NBEAL1: variants seen among roughly 807,000 people sequenced by gnomAD.
NBEAL1 encodes the protein neurobeachin like 1, also known as neurobeachin-like protein 1.
In NBEAL1, 273 loss-of-function variants were observed where a neutral mutation model predicts 351.3. The observed-to-expected ratio is 0.78, with a 90% CI of 0.70 to 0.86. The LOEUF (loss-of-function observed/expected upper bound fraction) is 0.86. Ranked by LOEUF, NBEAL1 falls within the 40% of genes least tolerant of loss-of-function variation. The probability of loss-of-function intolerance (pLI) is 0.00; values close to 1 mark genes in which losing one functional copy is unlikely to be tolerated. For synonymous variants in NBEAL1, 1,050 were observed against 1,086.4 expected (o/e 0.97, Z 0.66); for missense variants, 2,961 against 3,201.3 (o/e 0.92, Z 1.81).
chr2:203,036,539 T>C (rs2061042833), intron 2 of NBEAL1, among the ~76,000 whole-genome samples: 1 of 149,236 alleles, frequency 6.7e-6, no homozygotes, highest in African/African-American at 2.4e-5. Flanking sequence ...AACTTCCCTT[T>C]TCTAACCTGT....
At chr2:203,152,202 C>G (rs1163438445) in intron 35 of NBEAL1, among the ~76,000 whole-genome samples, 2 of 151,588 alleles carry the variant, frequency 1.3e-5, no homozygotes, top group African/African-American at 4.8e-5. Flanking sequence ...AAGTTATCCT[C>G]CCAACCTTTG....
Position 203,220,450 on chromosome 2 carries a change from C to CTCCA in NBEAL1, c.*3097_*3100dup. Among the ~76,000 whole-genome samples the CTCCA allele has an allele frequency of 6.6e-6, 1 of 151,838 alleles. No homozygotes were observed. The highest frequency in any genetic ancestry group is 6.6e-5 in the Admixed American group (1 of 15,252). ...AGTGAGCCAAAATCGCACCACTGCA[C>CTCCA]TCCAGCCTGGGCAACAGGGCAAGAC... On this transcript the variant is annotated 3_prime_UTR_variant, in exon 56 of 56. Transcript: ENST00000683969.
At chr2:203,073,066 A>G (rs1029451894) in intron 7 of NBEAL1, among the ~76,000 whole-genome samples, 2 of 152,066 alleles carry the variant, frequency 1.3e-5, no homozygotes, top group African/African-American at 4.8e-5. Flanking sequence ...CCTTGTGGAA[A>G]GGTTTTGTTT....
rs542873374 is a variant in NBEAL1 at position 203,041,425 on chromosome 2, C to G, written c.52-340C>G. On this transcript the variant is annotated intron_variant, in intron 2 of 55. Transcript: ENST00000683969. ...TTCTGGGTAGAGAAAACAGCCAGTGCAAAGTCCTTAGGGTGGGAGCATGTC... is the reference window on the plus strand; with the variant it reads ...TTCTGGGTAGAGAAAACAGCCAGTGGAAAGTCCTTAGGGTGGGAGCATGTC... Among the ~76,000 whole-genome samples the G allele has an allele frequency of 2.6e-3, 390 of 152,234 alleles. 1 individual carries two copies. Among genetic ancestry groups the G allele is most frequent in the South Asian group, 0.022 (104 of 4,820 alleles).
At chr2:203,181,422 A>G (rs558101712) in intron 43 of NBEAL1, 18 of 152,326 alleles carry the variant, frequency 1.2e-4, no homozygotes, top group Middle Eastern at 3.4e-3. Flanking sequence ...GATATAAGTT[A>G]CTGTAATATT....
At chr2:203,200,420 G>A (rs1264353092) in intron 49 of NBEAL1, among the ~76,000 whole-genome samples, 2 of 152,214 alleles carry the variant, frequency 1.3e-5, no homozygotes, top group Admixed American at 6.5e-5. Flanking sequence ...GGCTGAGGCA[G>A]GAGAATGGTG....
At chr2:203,078,393 G>T (rs1299084386) in intron 8 of NBEAL1, among the ~76,000 whole-genome samples, 1 of 152,066 alleles carries the variant, frequency 6.6e-6, no homozygotes, top group Non-Finnish European at 1.5e-5. Context: ...AGGCTGGAGT[G>T]CAGAAGTGCG....
At chr2:203,198,474 T>C in intron 48 of NBEAL1, among the ~76,000 whole-genome samples, 1 of 152,142 alleles carries the variant, frequency 6.6e-6, no homozygotes, top group East Asian at 1.9e-4. Flanking sequence ...ATATATTATA[T>C]TTTTATGGTA....
chr2:203,195,584 T>G (rs2065218565), intron 47 of NBEAL1, among the ~76,000 whole-genome samples: 1 of 152,138 alleles, frequency 6.6e-6, no homozygotes, highest in African/African-American at 2.4e-5. Context: ...AACATGTAGT[T>G]GTAGTCATGG....
chr2:203,173,697 T>C (rs2064394352), intron 41 of NBEAL1, among the ~76,000 whole-genome samples: 1 of 152,144 alleles, frequency 6.6e-6, no homozygotes, highest in Non-Finnish European at 1.5e-5. Context: ...AAGAAGATTT[T>C]ATAATTCTTT....
rs908885299 is a variant in NBEAL1 at position 203,082,094 on chromosome 2, A to G, written c.685-1125A>G. 2.6e-5 allele frequency among the ~76,000 whole-genome samples: 4 copies of G among 152,196 alleles called. No individual in the cohort carries two copies. In the East Asian group the frequency reaches 5.8e-4, roughly 22 times the overall value. ...AGAGGAAGACCTTGTCTGAAAAAAT[A>G]AAAAACAAAATAAAGAGGTCCTGAA... On this transcript the variant is annotated intron_variant, in intron 8 of 55. Transcript: ENST00000683969.
intron 3 of NBEAL1, among the ~76,000 whole-genome samples, chr2:203,045,075 C>A (rs577059011): frequency 6.6e-6 from 1 of 152,176 alleles, no homozygotes; most frequent in Non-Finnish European, 1.5e-5. Flanking sequence ...ATCTATAAGG[C>A]ATGTTCAACC....
intron 12 of NBEAL1, among the ~76,000 whole-genome samples, chr2:203,103,595 T>A (rs1344652572): frequency 6.6e-6 from 1 of 152,016 alleles, no homozygotes; most frequent in Non-Finnish European, 1.5e-5. Context: ...GTTTTTGATG[T>A]CTCAATTTCC....
intron 46 of NBEAL1, chr2:203,191,351 A>G: frequency 1.0e-5 from 1 of 97,598 alleles, no homozygotes; most frequent in Non-Finnish European, 2.6e-5. Flanking sequence ...AAATTATAGA[A>G]TATTTAAAAT....
intron 49 of NBEAL1, among the ~76,000 whole-genome samples, chr2:203,200,909 A>G (rs1226792565): frequency 2.0e-5 from 3 of 152,190 alleles, no homozygotes; most frequent in Non-Finnish European, 4.4e-5. Flanking sequence ...GCATATTCTC[A>G]GCAAATTAAT....
At chr2:203,184,742 G>T (rs1575099778) in intron 44 of NBEAL1, among the ~76,000 whole-genome samples, 1 of 151,688 alleles carries the variant, frequency 6.6e-6, no homozygotes, top group Admixed American at 6.6e-5. Context: ...CATGAATAAG[G>T]AATTTAGAAA....
chr2:203,199,537 AAG>A (rs2065335015), intron 49 of NBEAL1, 90 bp downstream of exon 49: 6 of 657,074 alleles, frequency 9.1e-6, no homozygotes, highest in Non-Finnish European at 1.3e-5. Context: ...TTTATTCTGA[AAG>A]AAATATTTTT....
At chr2:203,202,857 A>G in intron 51 of NBEAL1, 76 bp downstream of exon 51, 1 of 820,504 alleles carries the variant, frequency 1.2e-6, no homozygotes, top group Non-Finnish European at 2.1e-6. Flanking sequence ...TTCTACTAGG[A>G]CATCGAATTG....
chr2:203,051,028 ATATTT>A (rs1329654864), intron 4 of NBEAL1, among the ~76,000 whole-genome samples: 1 of 152,160 alleles, frequency 6.6e-6, no homozygotes, highest in Non-Finnish European at 1.5e-5. Context: ...TGTTTTATAA[ATATTT>A]TATAATTAAT....
Sources: allele counts gnomAD v4.1 joint callset (sites outside exome capture counted in the v4.1 genomes callset), GRCh38; gene constraint gnomAD v4.1.1; transcripts MANE v1.5; gene names NCBI Gene and HGNC (gene_info 2026-07-23, HGNC 2026-07-21).